The following PTPRR variants were observed in gnomAD, a reference collection of about 807,000 sequenced individuals.
PTPRR encodes the protein receptor-type tyrosine-protein phosphatase R.
Under a neutral mutation model 77.2 loss-of-function variants are expected in PTPRR, and 38 were observed. The ratio of observed to expected loss-of-function variants is 0.49; its 90% confidence interval spans 0.38 to 0.65. The LOEUF (loss-of-function observed/expected upper bound fraction) is 0.65, where lower values mean the gene tolerates loss of function less well. Ranked by LOEUF, PTPRR falls within the 30% of genes least tolerant of loss-of-function variation. The probability of loss-of-function intolerance (pLI) is 0.00; values close to 1 mark genes in which losing one functional copy is unlikely to be tolerated. For missense variants in PTPRR, 744 were observed against 799.2 expected, an observed-to-expected ratio of 0.93 and a Z score of 0.83; for synonymous variants, 299 against 283.1, an observed-to-expected ratio of 1.06 and a Z score of -0.57.
At chr12:70,712,958 T>C (rs1888883487) in intron 6 of PTPRR, among the ~76,000 whole-genome samples, 1 of 152,176 alleles carries the variant, frequency 6.6e-6, no homozygotes, top group African/African-American at 2.4e-5. Flanking sequence ...AGTCACTTAG[T>C]TGTATAAGCA....
chr12:70,720,830 C>A (rs1318766339), intron 6 of PTPRR, among the ~76,000 whole-genome samples: 1 of 152,014 alleles, frequency 6.6e-6, no homozygotes, highest in Middle Eastern at 3.2e-3. Flanking sequence ...AGGATATTAT[C>A]CTATATTTGA....
intron 2 of PTPRR, among the ~76,000 whole-genome samples, chr12:70,765,393 G>T (rs112664433): frequency 0.065 from 9,922 of 152,260 alleles, 351 homozygotes; most frequent in Middle Eastern, 0.099. Flanking sequence ...TATGCCCATG[G>T]AGTCTTGCTG....
At chr12:70,671,756 C>A (rs1263708515) in intron 10 of PTPRR, among the ~76,000 whole-genome samples, 2 of 152,208 alleles carry the variant, frequency 1.3e-5, no homozygotes, top group African/African-American at 4.8e-5. Flanking sequence ...ATAGGTAAAC[C>A]AACTCTGTGT....
intron 6 of PTPRR, among the ~76,000 whole-genome samples, chr12:70,726,412 C>T (rs368843978): frequency 5.9e-5 from 9 of 151,974 alleles, no homozygotes; most frequent in Non-Finnish European, 7.4e-5. Flanking sequence ...AGTGACATAA[C>T]CTCCTGCAGC....
intron 2 of PTPRR, among the ~76,000 whole-genome samples, chr12:70,825,315 T>C (rs1033997818): frequency 1.1e-4 from 16 of 151,906 alleles, no homozygotes; most frequent in Non-Finnish European, 1.6e-4. Flanking sequence ...AATAAATAAA[T>C]GTTAAGTTAC....
At chr12:70,668,108 C>T (rs1887076890) in intron 10 of PTPRR, among the ~76,000 whole-genome samples, 1 of 152,132 alleles carries the variant, frequency 6.6e-6, no homozygotes, top group Admixed American at 6.5e-5. Context: ...AGCAATCATA[C>T]ATACCACTTT....
Position 70,676,285 on chromosome 12 carries a change from T to C in PTPRR, c.1497+7842A>G, listed in dbSNP as rs142549535. Among the ~76,000 whole-genome samples the C allele has an allele frequency of 6.6e-3, 1,006 of 152,112 alleles. 17 individuals carry two copies. The highest frequency in any genetic ancestry group is 0.023 in the Admixed American group (350 of 15,292). On this transcript the variant is annotated intron_variant, in intron 10 of 13. Transcript: ENST00000283228. Reference sequence around the variant, plus strand: ...CTTGTTTGATGCTAAACCTATCTAATAAGATTTTTTTAAACTTTAATGTCT... The same window carrying C: ...CTTGTTTGATGCTAAACCTATCTAACAAGATTTTTTTAAACTTTAATGTCT...
intron 2 of PTPRR, among the ~76,000 whole-genome samples, chr12:70,880,823 C>T (rs1043555695): frequency 6.6e-6 from 1 of 152,170 alleles, no homozygotes; most frequent in Non-Finnish European, 1.5e-5. Context: ...GTCTCCATGA[C>T]TTATTTATGC....
intron 2 of PTPRR, among the ~76,000 whole-genome samples, chr12:70,859,033 CA>C (rs1159614121): frequency 6.6e-6 from 1 of 151,554 alleles, no homozygotes; most frequent in African/African-American, 2.4e-5. Context: ...AAGGCTTGAG[CA>C]TTGGTTTCTT....
At chr12:70,781,133 C>T (rs575314157) in intron 2 of PTPRR, among the ~76,000 whole-genome samples, 55 of 152,266 alleles carry the variant, frequency 3.6e-4, no homozygotes, top group South Asian at 2.3e-3. Flanking sequence ...CCAGTTCCTA[C>T]GTCTTTTTCA....
chr12:70,857,153 G>A (rs1028157859), intron 2 of PTPRR, among the ~76,000 whole-genome samples: 5 of 152,078 alleles, frequency 3.3e-5, no homozygotes, highest in Admixed American at 3.3e-4. Flanking sequence ...TGATATCCTG[G>A]ATGAAAATGA....
At chr12:70,802,151 A>G (rs1376937041) in intron 2 of PTPRR, among the ~76,000 whole-genome samples, 1 of 152,220 alleles carries the variant, frequency 6.6e-6, no homozygotes, top group East Asian at 1.9e-4. Flanking sequence ...GTTAGATCAT[A>G]TGGCGTTCTC....
chr12:70,754,175 A>G lies in PTPRR; in HGVS notation c.738+16T>C. 1 of 1,610,226 alleles carries G rather than the reference A, an allele frequency of 6.2e-7. No homozygotes were observed. The highest frequency in any genetic ancestry group is 1.1e-5 in the South Asian group (1 of 90,696). ...GGGCTGAGCAAAGGATAAAATATACAAAGAAGCAAACTTACCATCAAACAC... is the reference window on the plus strand; with the variant it reads ...GGGCTGAGCAAAGGATAAAATATACGAAGAAGCAAACTTACCATCAAACAC... On this transcript the variant is annotated intron_variant, in intron 5 of 13. Transcript: ENST00000283228.
intron 2 of PTPRR, among the ~76,000 whole-genome samples, chr12:70,767,940 G>A (rs1347333351): frequency 6.6e-6 from 1 of 152,046 alleles, no homozygotes; most frequent in Non-Finnish European, 1.5e-5. Flanking sequence ...AATGAAGGCA[G>A]AAATAAAGAT....
chr12:70,892,979 T>C lies in PTPRR; in HGVS notation c.59-2A>G, dbSNP rs746761180. 6.2e-7 allele frequency: 1 copy of C among 1,611,374 alleles called. No homozygotes were observed. The highest frequency in any genetic ancestry group is 1.1e-5 in the South Asian group (1 of 90,990). On this transcript the variant is annotated splice_acceptor_variant, in intron 1 of 13. Coordinates refer to ENST00000283228, the MANE Select transcript of PTPRR (RefSeq NM_002849.4). LOFTEE classifies it high-confidence loss of function. ...GATCATTGTTTCCTGAAAAGCACCC[T>C]GAAAGAGGGAAGAAGCAGAAACAAT...
At chr12:70,709,314 C>T (rs1485108590) in intron 6 of PTPRR, among the ~76,000 whole-genome samples, 2 of 152,086 alleles carry the variant, frequency 1.3e-5, no homozygotes, top group Non-Finnish European at 2.9e-5. Flanking sequence ...AAGGAGCATA[C>T]CTCAAAATAC....
chr12:70,713,565 C>CTT (rs35168919), intron 6 of PTPRR, among the ~76,000 whole-genome samples: 63,603 of 140,344 alleles, frequency 0.45, 15,283 homozygotes, highest in East Asian at 0.53. Flanking sequence ...TTGCTGCTGC[C>CTT]TTTTTTTTTT....
At chr12:70,885,782 T>C (rs1257310441) in intron 2 of PTPRR, among the ~76,000 whole-genome samples, 1 of 152,178 alleles carries the variant, frequency 6.6e-6, no homozygotes, top group Admixed American at 6.5e-5. Flanking sequence ...TCCACCAGCC[T>C]TGGCCTCCCA....
intron 10 of PTPRR, among the ~76,000 whole-genome samples, chr12:70,667,772 C>T (rs111825937): frequency 4.6e-4 from 70 of 152,082 alleles, no homozygotes; most frequent in African/African-American, 1.3e-3. Context: ...AAGCTGAATA[C>T]CAGAAAGGGA....
Sources: gnomAD v4.1 joint callset for allele counts (sites outside exome capture counted in the v4.1 genomes callset) on GRCh38, gnomAD v4.1.1 for gene constraint, MANE v1.5 for transcripts, NCBI Gene and HGNC (gene_info 2026-07-23, HGNC 2026-07-21) for gene names.